Variants in PCDH15 observed in about 807,000 individuals in gnomAD.
PCDH15 encodes the protein protocadherin-15.
Under a neutral mutation model 178.5 loss-of-function variants are expected in PCDH15, and 129 were observed. The ratio of observed to expected loss-of-function variants is 0.72; its 90% CI spans 0.63 to 0.84. The LOEUF (loss-of-function observed/expected upper bound fraction) is 0.84. Ranked by LOEUF, PCDH15 falls within the 40% of genes least tolerant of loss-of-function variation. The probability of loss-of-function intolerance (pLI) is 0.00; values close to 1 mark genes in which losing one functional copy is unlikely to be tolerated. For synonymous variants in PCDH15, 800 were observed against 732.0 expected, an observed-to-expected ratio of 1.09 and a Z score of -1.50; for missense variants, 2,230 against 2,099.9, an observed-to-expected ratio of 1.06 and a Z score of -1.21.
chr10:54,565,863 T>C (rs1485796164), intron 2 of PCDH15, among the ~76,000 whole-genome samples: 2 of 151,814 alleles, frequency 1.3e-5, no homozygotes, highest in Admixed American at 6.6e-5. Context: ...GGCAGGTGGA[T>C]CACTTGAGGT....
intron 1 of PCDH15, among the ~76,000 whole-genome samples, chr10:54,733,597 A>G (rs1591350158): frequency 6.6e-6 from 1 of 151,724 alleles, no homozygotes; most frequent in East Asian, 1.9e-4. Flanking sequence ...GATACCAAAA[A>G]ACTGATTATA....
At chr10:53,975,244 A>G (rs114867463) in intron 21 of PCDH15, among the ~76,000 whole-genome samples, 1,650 of 152,338 alleles carry the variant, frequency 0.011, 33 homozygotes, top group African/African-American at 0.037. Flanking sequence ...TGATGAACAT[A>G]TAAGTGCATG....
At chr10:55,422,657 A>G (rs1838651210) in intron 2 of PCDH15, among the ~76,000 whole-genome samples, 1 of 151,832 alleles carries the variant, frequency 6.6e-6, no homozygotes, top group Non-Finnish European at 1.5e-5. Context: ...CCAACATAGC[A>G]GCTTATTGAG....
At chr10:55,573,859 CATTGCTTTATTT>C (rs1345882494) in intron 2 of PCDH15, among the ~76,000 whole-genome samples, 1 of 151,780 alleles carries the variant, frequency 6.6e-6, no homozygotes, top group Non-Finnish European at 1.5e-5. Context: ...TGATTTGTAA[CATTGCTTTATTT>C]ATTGTATATT....
At chr10:55,024,451 A>ATG (rs1840425699) in intron 2 of PCDH15, among the ~76,000 whole-genome samples, 1 of 96,772 alleles carries the variant, frequency 1.0e-5, no homozygotes, top group South Asian at 3.4e-4. Flanking sequence ...TATTATATAT[A>ATG]TATACACACA....
intron 1 of PCDH15, among the ~76,000 whole-genome samples, chr10:54,676,280 A>C (rs2094788914): frequency 6.6e-6 from 1 of 152,110 alleles, no homozygotes; most frequent in South Asian, 2.1e-4. Flanking sequence ...TATATACAAC[A>C]AAAACTACTG....
chr10:53,882,287 TTTTTG>T (rs1418050630), intron 26 of PCDH15, among the ~76,000 whole-genome samples: 5 of 19,006 alleles, frequency 2.6e-4, no homozygotes, highest in Non-Finnish European at 5.4e-4. Context: ...CACATCACCT[TTTTTG>T]TTTGTTTGGG....
At chr10:55,520,860 GTGA>G (rs1841159191) in intron 2 of PCDH15, among the ~76,000 whole-genome samples, 2 of 151,882 alleles carry the variant, frequency 1.3e-5, no homozygotes, top group African/African-American at 4.8e-5. Flanking sequence ...GGTGTATGAT[GTGA>G]TGATTTAATA....
rs185098703 is a variant in PCDH15 at position 54,992,483 on chromosome 10, C to A, written c.-79-94983G>T. ...AAAGGGTGAAGTTGATCGGGCGCAGCGGCTGACGTCTGTAATCCCAGCACT... is the reference window on the plus strand; with the variant it reads ...AAAGGGTGAAGTTGATCGGGCGCAGAGGCTGACGTCTGTAATCCCAGCACT... On this transcript the variant is annotated intron_variant, in intron 2 of 5. Transcript: ENST00000458638. Among the ~76,000 whole-genome samples, 283 of 152,134 alleles carry A rather than the reference C, an allele frequency of 1.9e-3. 3 individuals carry two copies. Among genetic ancestry groups the A allele is most frequent in the Non-Finnish European group, 3.0e-3 (205 of 67,996 alleles).
At chr10:55,523,902 A>G (rs1243077254) in intron 2 of PCDH15, among the ~76,000 whole-genome samples, 4 of 151,542 alleles carry the variant, frequency 2.6e-5, no homozygotes, top group Non-Finnish European at 5.9e-5. Context: ...TAAAATTTAA[A>G]CCTGGATGTA....
intron 2 of PCDH15, chr10:54,606,692 T>G (rs2134171682): frequency 6.6e-6 from 1 of 152,240 alleles, no homozygotes; most frequent in Non-Finnish European, 1.5e-5. Flanking sequence ...ACCAAAAGAC[T>G]AAGTGTATGT....
At chr10:55,055,467 C>T (rs1356133305) in intron 2 of PCDH15, among the ~76,000 whole-genome samples, 3 of 152,058 alleles carry the variant, frequency 2.0e-5, no homozygotes, top group African/African-American at 7.2e-5. Flanking sequence ...TCTGCTTACC[C>T]CTACTGCACA....
chr10:55,567,673 TA>T (rs1434807305), intron 2 of PCDH15, among the ~76,000 whole-genome samples: 1 of 151,750 alleles, frequency 6.6e-6, no homozygotes, highest in Non-Finnish European at 1.5e-5. Context: ...AAATGGCAAA[TA>T]AACACTTGAA....
intron 2 of PCDH15, among the ~76,000 whole-genome samples, chr10:54,569,848 T>A (rs1275242075): frequency 6.6e-6 from 1 of 152,128 alleles, no homozygotes; most frequent in Non-Finnish European, 1.5e-5. Context: ...TACACAAAAA[T>A]CTTGCCGCAA....
intron 32 of PCDH15, chr10:53,821,856 C>T: frequency 3.7e-6 from 6 of 1,612,590 alleles, no homozygotes; most frequent in Non-Finnish European, 5.1e-6. Context: ...AGAAAAGCAA[C>T]ATTACAGTGA....
intron 2 of PCDH15, among the ~76,000 whole-genome samples, chr10:55,473,699 T>A (rs1002764834): frequency 5.9e-5 from 9 of 152,100 alleles, no homozygotes; most frequent in African/African-American, 2.2e-4. Context: ...GCAGCAAAAT[T>A]TTTGATTAAT....
chr10:54,420,555 T>C (rs995328223), intron 3 of PCDH15, among the ~76,000 whole-genome samples: 12 of 152,122 alleles, frequency 7.9e-5, no homozygotes, highest in African/African-American at 2.9e-4. Context: ...GGGTGTGGTC[T>C]AAATGAATGG....
At chr10:55,545,967 CTTAA>C (rs1841872274) in intron 2 of PCDH15, among the ~76,000 whole-genome samples, 1 of 151,912 alleles carries the variant, frequency 6.6e-6, no homozygotes, top group Admixed American at 6.6e-5. Flanking sequence ...ATTTTTTCAA[CTTAA>C]TTAATAAAAT....
intron 10 of PCDH15, among the ~76,000 whole-genome samples, chr10:54,204,478 G>A (rs2134009443): frequency 6.6e-6 from 1 of 152,080 alleles, no homozygotes; most frequent in East Asian, 1.9e-4. Context: ...TGGGATGTTT[G>A]TAGCATCTTT....
Sources: allele counts gnomAD v4.1 joint callset (sites outside exome capture counted in the v4.1 genomes callset), GRCh38; gene constraint gnomAD v4.1.1; transcripts MANE v1.5; gene names NCBI Gene and HGNC (gene_info 2026-07-23, HGNC 2026-07-21).